ZNF831: variants seen among roughly 807,000 people sequenced by gnomAD.
ZNF831 encodes zinc finger protein 831, also known as chromosome 20 open reading frame 174.
Under a neutral mutation model 95.8 loss-of-function variants are expected in ZNF831, and 59 were observed. The ratio of observed to expected loss-of-function variants is 0.62; its 90% CI spans 0.50 to 0.77. The LOEUF is 0.77. Among genes scored for constraint, ZNF831 ranks in the 30% least tolerant of loss-of-function variants. The pLI is 0.00. For synonymous variants in ZNF831, 961 were observed against 925.5 expected (o/e 1.04, Z -0.70); for missense variants, 2,205 against 2,164.0 (o/e 1.02, Z -0.38).
intron 2 of ZNF831, among the ~76,000 whole-genome samples, chr20:59,148,954 A>G (rs1980059101): frequency 6.6e-6 from 1 of 152,140 alleles, no homozygotes; most frequent in South Asian, 2.1e-4. Flanking sequence ...GTGCAGTTGC[A>G]GCGTTCTGGG....
chr20:59,250,507 A>G (rs1242865263), intron 4 of ZNF831, among the ~76,000 whole-genome samples: 1 of 152,196 alleles, frequency 6.6e-6, no homozygotes, highest in Non-Finnish European at 1.5e-5. Context: ...TTTTGTGCCC[A>G]TTTCCTAAAC....
rs1988110415 is a variant in ZNF831, at chr20:59,254,968, C to G, written c.*225C>G. 1 of 509,240 alleles carries G rather than the reference C, an allele frequency of 2.0e-6. No individual in the cohort carries two copies. The highest frequency in any genetic ancestry group is 3.4e-6 in the Non-Finnish European group (1 of 293,210). 31.5% of individuals were successfully genotyped at this position (509,240 alleles called of 1,614,324 possible). On this transcript the variant is annotated 3_prime_UTR_variant, in exon 6 of 6. Transcript: ENST00000371030. This position sits in a 1 kb window ranked among gnomAD's most constrained non-coding sequence, Gnocchi z 4.5. ...GTGCTCTGCTCATCTTCAAATGGTG[C>G]CAGGCAGGGCAGACATGGCAAGGAA... is the stretch of plus-strand genomic sequence containing the variant.
At chr20:59,157,188 C>T (rs1300730893) in intron 2 of ZNF831, among the ~76,000 whole-genome samples, 1 of 152,132 alleles carries the variant, frequency 6.6e-6, no homozygotes, top group East Asian at 1.9e-4. Flanking sequence ...TAGTTTTGTA[C>T]CCATTAACCA....
chr20:59,149,587 G>A (rs943576033), intron 2 of ZNF831, among the ~76,000 whole-genome samples: 6 of 152,176 alleles, frequency 3.9e-5, no homozygotes, highest in South Asian at 2.1e-4. Context: ...AAAAAAAATC[G>A]TGAAGGAAAA....
In ZNF831 at chr20:59,254,392, A is replaced by G. The variant is rs2146768948; in HGVS notation, c.4683A>G (p.Ser1561=). The G allele has an allele frequency of 6.2e-7, 1 of 1,614,182 alleles. No homozygotes were observed. Among genetic ancestry groups the G allele is most frequent in the African/African-American group, 1.3e-5 (1 of 75,050 alleles). ...TTTCAGATTCGGTTCCACTGGAGTC[A>G]ACTGAAAAAACTCATCTTGAAATAC... The part of the protein sequence containing the change: ...QRISDSVPLE[S]TEKTHLEIPA... Residue 1561 remains serine, a synonymous_variant, in exon 6 of 6, where the codon TCA becomes TCG. Transcript: ENST00000371030. The surrounding 1 kb of genome is among the most constrained non-coding windows in gnomAD (Gnocchi z 4.5).
At chr20:59,166,479 A>G (rs1363676277) in intron 1 of ZNF831, among the ~76,000 whole-genome samples, 2 of 152,130 alleles carry the variant, frequency 1.3e-5, no homozygotes, top group Non-Finnish European at 2.9e-5. Context: ...GCAAATCACA[A>G]TCAAAATATT....
intron 3 of ZNF831, among the ~76,000 whole-genome samples, chr20:59,203,201 C>CAT (rs1053212827): frequency 3.6e-4 from 54 of 152,096 alleles, no homozygotes; most frequent in African/African-American, 1.3e-3. Context: ...TGTATGAATT[C>CAT]ATATATATAG....
intron 1 of ZNF831, among the ~76,000 whole-genome samples, chr20:59,180,940 G>T (rs1214224559): frequency 2.0e-5 from 3 of 152,198 alleles, no homozygotes; most frequent in African/African-American, 7.2e-5. Context: ...GATCCTTGAG[G>T]AATCGCCACA....
At chr20:59,210,940 G>A (rs6128507) in intron 4 of ZNF831, among the ~76,000 whole-genome samples, 1 of 84,356 alleles carries the variant, frequency 1.2e-5, no homozygotes, top group Non-Finnish European at 2.3e-5. Flanking sequence ...GGCTGAGGCA[G>A]GAGAATGGCG....
In ZNF831 at chr20:59,258,543, A is replaced by G. The variant is rs929782950; in HGVS notation, c.*3800A>G. 4 of 152,622 alleles carry G rather than the reference A, an allele frequency of 2.6e-5. No individual in the cohort carries two copies. The highest frequency in any genetic ancestry group is 5.9e-5 in the Non-Finnish European group (4 of 68,034). The allele number at this position is 152,622 out of a possible 1,614,324, so 9.5% of individuals were successfully genotyped here. The stretch of plus-strand genomic sequence containing the variant: ...AATGTGCTGCTGCTCAACTCCCCAG[A>G]CATAATTTAATATGGTGAGGAGAAT... On this transcript the variant is annotated 3_prime_UTR_variant, in exon 6 of 6. Coordinates refer to ENST00000371030, the MANE Select transcript of ZNF831 (RefSeq NM_178457.3).
At chr20:59,223,239 C>T (rs1010679659) in intron 4 of ZNF831, among the ~76,000 whole-genome samples, 20 of 152,206 alleles carry the variant, frequency 1.3e-4, no homozygotes, top group African/African-American at 4.8e-4. Context: ...CTATTGGGTG[C>T]TCTCTGTCCG....
At chr20:59,126,580 C>CT (rs1979176760) in intron 1 of ZNF831, among the ~76,000 whole-genome samples, 1 of 152,234 alleles carries the variant, frequency 6.6e-6, no homozygotes, top group Non-Finnish European at 1.5e-5. Flanking sequence ...TTTGTCTCCT[C>CT]TAAGAGTTGC....
In ZNF831 at chr20:59,257,115, T is replaced by C. The variant is rs1395680193; in HGVS notation, c.*2372T>C. ...CTTCAGGATGATGGTGGAAGCTCTGTCCCTATAGGAGCCACCGTTGCCAGC... is the reference window on the plus strand; with the variant it reads ...CTTCAGGATGATGGTGGAAGCTCTGCCCCTATAGGAGCCACCGTTGCCAGC... On this transcript the variant is annotated 3_prime_UTR_variant, in exon 6 of 6. Transcript: ENST00000371030. The C allele has an allele frequency of 6.6e-6, 1 of 152,122 alleles. No homozygotes were observed. The allele number at this position is 152,122 out of a possible 1,614,324, so 9.4% of individuals were successfully genotyped here.
chr20:59,142,220 G>A (rs1055611129), intron 1 of ZNF831, among the ~76,000 whole-genome samples: 20 of 152,204 alleles, frequency 1.3e-4, no homozygotes, highest in African/African-American at 4.8e-4. Context: ...AGCTATGAAG[G>A]AGCAGAGCCA....
chr20:59,225,275 T>G (rs1425873354), intron 4 of ZNF831, among the ~76,000 whole-genome samples: 1 of 152,194 alleles, frequency 6.6e-6, no homozygotes, highest in Non-Finnish European at 1.5e-5. Flanking sequence ...TTTGTTAGGT[T>G]TTGTGTTTAC....
chr20:59,223,083 G>C (rs1362897582), intron 4 of ZNF831, among the ~76,000 whole-genome samples: 1 of 152,154 alleles, frequency 6.6e-6, no homozygotes, highest in Non-Finnish European at 1.5e-5. Context: ...ACGAAGAGGG[G>C]AGGCAGGAGC....
At chr20:59,211,022 A>G (rs1258579006) in intron 4 of ZNF831, among the ~76,000 whole-genome samples, 2 of 145,392 alleles carry the variant, frequency 1.4e-5, no homozygotes, top group Non-Finnish European at 3.0e-5. Context: ...CCTGGGCGAC[A>G]GAGCGAGACT....
intron 1 of ZNF831, among the ~76,000 whole-genome samples, 115 bp downstream of exon 1, chr20:59,164,322 TG>T (rs1981084932): frequency 6.6e-6 from 1 of 152,194 alleles, no homozygotes; most frequent in African/African-American, 2.4e-5. Context: ...AAAGGGAAAA[TG>T]CTACGTAAAA....
chr20:59,220,191 C>T (rs145865530), intron 4 of ZNF831, among the ~76,000 whole-genome samples: 144 of 152,272 alleles, frequency 9.5e-4, no homozygotes, highest in African/African-American at 2.9e-3. Flanking sequence ...TCCTATGCAA[C>T]GTGCTGGAAC....
Sources: allele counts gnomAD v4.1 joint callset (sites outside exome capture counted in the v4.1 genomes callset), GRCh38; gene constraint gnomAD v4.1.1; non-coding constraint Gnocchi (gnomAD v3.1); transcripts MANE v1.5; gene names NCBI Gene and HGNC (gene_info 2026-07-23, HGNC 2026-07-21).